The following AUTS2 variants were observed in gnomAD, a reference collection of about 807,000 sequenced individuals.
AUTS2 encodes the protein autism susceptibility gene 2 protein.
In AUTS2, 17 loss-of-function variants were observed where a neutral mutation model predicts 112.4. That is an observed-to-expected ratio of 0.15 (90% CI 0.10 to 0.23). The LOEUF (loss-of-function observed/expected upper bound fraction) is 0.23. Ranked by LOEUF, AUTS2 falls within the 10% of genes least tolerant of loss-of-function variation. The probability of loss-of-function intolerance (pLI) is 1.00; values close to 1 mark genes in which losing one functional copy is unlikely to be tolerated. For synonymous variants in AUTS2, 751 were observed against 702.7 expected (o/e 1.07, Z -1.09); for missense variants, 1,510 against 1,701.6 (o/e 0.89, Z 1.98).
At chr7:70,092,897 G>T (rs1451227756) in intron 2 of AUTS2, among the ~76,000 whole-genome samples, 1 of 152,094 alleles carries the variant, frequency 6.6e-6, no homozygotes, top group East Asian at 1.9e-4. Context: ...AGTACATTTG[G>T]CCATGGGAAG....
chr7:70,357,628 T>C (rs572422564), intron 4 of AUTS2, among the ~76,000 whole-genome samples: 2 of 152,292 alleles, frequency 1.3e-5, no homozygotes, highest in African/African-American at 4.8e-5. Context: ...CCTATGTGTT[T>C]TACCTGTAAA....
At chr7:70,286,239 G>C (rs1420249689) in intron 4 of AUTS2, among the ~76,000 whole-genome samples, 1 of 152,174 alleles carries the variant, frequency 6.6e-6, no homozygotes, top group African/African-American at 2.4e-5. Flanking sequence ...TGAAGGCCAG[G>C]TGTAGGTTCC....
intron 1 of AUTS2, among the ~76,000 whole-genome samples, chr7:69,821,666 C>T (rs940456339): frequency 4.6e-5 from 7 of 151,952 alleles, no homozygotes; most frequent in African/African-American, 1.7e-4. Flanking sequence ...AACCATGAAC[C>T]CACCGGGAAA....
At chr7:70,763,584 A>T (rs944412535) in intron 7 of AUTS2, among the ~76,000 whole-genome samples, 9 of 152,054 alleles carry the variant, frequency 5.9e-5, no homozygotes, top group African/African-American at 2.2e-4. Context: ...TGGGCACTCG[A>T]GAGTGGAGGC....
chr7:70,473,768 G>C (rs551029580), intron 5 of AUTS2, among the ~76,000 whole-genome samples: 1 of 150,776 alleles, frequency 6.6e-6, no homozygotes, highest in South Asian at 2.1e-4. Context: ...GCTTTTTAAG[G>C]TAGGATCTCC....
At chr7:69,652,283 C>G (rs1410673907) in intron 1 of AUTS2, among the ~76,000 whole-genome samples, 1 of 151,850 alleles carries the variant, frequency 6.6e-6, no homozygotes, top group East Asian at 1.9e-4. Context: ...AAAGTAGACA[C>G]CTGTGCCTGA....
In AUTS2 at chr7:69,884,395, T is replaced by C. The variant is rs1794186725; in HGVS notation, c.310-14891T>C. Reference sequence around the variant, plus strand: ...GCCTATTAGATAAACACAGAAAGCATAGATTATGAGTTTAAAAGTATCGAC... The same window carrying C: ...GCCTATTAGATAAACACAGAAAGCACAGATTATGAGTTTAAAAGTATCGAC... On this transcript the variant is annotated intron_variant, in intron 1 of 18. Coordinates refer to ENST00000342771, the MANE Select transcript of AUTS2 (RefSeq NM_015570.4). 2.0e-5 allele frequency among the ~76,000 whole-genome samples: 3 copies of C among 152,218 alleles called. No individual in the cohort carries two copies. The South Asian group carries it at 6.2e-4, about 31-fold the overall frequency.
At chr7:69,953,118 G>T (rs1181090783) in intron 2 of AUTS2, among the ~76,000 whole-genome samples, 1 of 152,136 alleles carries the variant, frequency 6.6e-6, no homozygotes, top group African/African-American at 2.4e-5. Context: ...CTATCTCAAT[G>T]TTGTTTGATA....
chr7:70,277,864 A>G (rs1013153334), intron 4 of AUTS2, among the ~76,000 whole-genome samples: 4 of 152,158 alleles, frequency 2.6e-5, no homozygotes, highest in South Asian at 2.1e-4. Flanking sequence ...GCAAAAAACT[A>G]TCAAGTCAAG....
intron 2 of AUTS2, among the ~76,000 whole-genome samples, chr7:70,065,503 G>T (rs910045455): frequency 6.6e-6 from 1 of 152,068 alleles, no homozygotes; most frequent in African/African-American, 2.4e-5. Flanking sequence ...AGACCAGCCC[G>T]AGTAACATGG....
intron 4 of AUTS2, among the ~76,000 whole-genome samples, chr7:70,270,901 C>CT (rs914586315): frequency 1.3e-5 from 2 of 152,144 alleles, no homozygotes; most frequent in Non-Finnish European, 2.9e-5. Flanking sequence ...AGCAAAGCTG[C>CT]TATCACATTG....
chr7:70,786,953 T>C (rs1791536524), intron 17 of AUTS2: 5 of 562,126 alleles, frequency 8.9e-6, no homozygotes, highest in Admixed American at 3.1e-5. Flanking sequence ...ATTTGGTCCC[T>C]TTTCCTTTTT....
At chr7:70,301,948 T>G (rs1212271788) in intron 4 of AUTS2, among the ~76,000 whole-genome samples, 5 of 149,224 alleles carry the variant, frequency 3.4e-5, no homozygotes, top group Admixed American at 2.0e-4. Flanking sequence ...TTTTTTTTTT[T>G]GGTATTTTTT....
At chr7:69,829,550 C>A (rs1423192226) in intron 1 of AUTS2, among the ~76,000 whole-genome samples, 1 of 152,054 alleles carries the variant, frequency 6.6e-6, no homozygotes, top group South Asian at 2.1e-4. Context: ...AAGAAAAAAA[C>A]ACCACCACCA....
At chr7:69,695,613 T>A (rs1797527187) in intron 1 of AUTS2, among the ~76,000 whole-genome samples, 1 of 152,174 alleles carries the variant, frequency 6.6e-6, no homozygotes, top group Non-Finnish European at 1.5e-5. Context: ...ATATCCATTT[T>A]AAAAAACTAT....
chr7:70,686,220 A>G (rs1047440208), intron 5 of AUTS2, among the ~76,000 whole-genome samples: 1 of 152,080 alleles, frequency 6.6e-6, no homozygotes, highest in Non-Finnish European at 1.5e-5. Context: ...AAGAATGTCT[A>G]CTCCTAGGTG....
intron 4 of AUTS2, among the ~76,000 whole-genome samples, chr7:70,228,330 A>G (rs7808422): frequency 0.018 from 2,710 of 151,910 alleles, 43 homozygotes; most frequent in South Asian, 0.039. Context: ...TGTAAAATGT[A>G]TCGCTTTTAG....
chr7:70,300,377 T>C (rs1789155432), intron 4 of AUTS2, among the ~76,000 whole-genome samples: 1 of 152,220 alleles, frequency 6.6e-6, no homozygotes. Context: ...AGATATTATA[T>C]TTAATGTATC....
intron 3 of AUTS2, among the ~76,000 whole-genome samples, chr7:70,121,797 A>G (rs1478063012): frequency 6.6e-6 from 1 of 152,172 alleles, no homozygotes; most frequent in East Asian, 1.9e-4. Flanking sequence ...GAAACATATA[A>G]TTACCATATG....
Sources: allele counts gnomAD v4.1 joint callset (sites outside exome capture counted in the v4.1 genomes callset), GRCh38; gene constraint gnomAD v4.1.1; transcripts MANE v1.5; gene names NCBI Gene and HGNC (gene_info 2026-07-23, HGNC 2026-07-21).